Variants in HCRTR2 observed in about 807,000 individuals in gnomAD.
HCRTR2 encodes hypocretin receptor 2, also known as orexin receptor type 2.
Under a neutral mutation model 49.0 loss-of-function variants are expected in HCRTR2, and 22 were observed. That is an observed-to-expected ratio of 0.45 (90% CI 0.32 to 0.64). The LOEUF is 0.64. Among genes scored for constraint, HCRTR2 ranks in the 30% least tolerant of loss-of-function variants. The pLI, the probability that HCRTR2 is intolerant of heterozygous loss-of-function variation, is 0.04. For missense variants in HCRTR2, 491 were observed against 559.4 expected (o/e 0.88, Z 1.23); for synonymous variants, 236 against 205.3 (o/e 1.15, Z -1.28).
chr6:55,119,313 G>T (rs937463738), intron 1 of HCRTR2, among the ~76,000 whole-genome samples: 1 of 151,964 alleles, frequency 6.6e-6, no homozygotes, highest in Admixed American at 6.6e-5. Context: ...GGGATTGCTG[G>T]GTCAAATGGT....
Position 55,230,209 on chromosome 6 carries a change from A to G in HCRTR2, c.224-18430A>G, listed in dbSNP as rs185705050. Among the ~76,000 whole-genome samples, 11 of 152,322 alleles carry G rather than the reference A, an allele frequency of 7.2e-5. 3 individuals carry two copies. The highest frequency in any genetic ancestry group is 2.2e-4 in the African/African-American group (9 of 41,578). ...TTCCTTTAATTCCATAAAAATCTCC[A>G]TTCTGTTTTAAAGTCTTTAGTACAG... On this transcript the variant is annotated intron_variant, in intron 1 of 6. Coordinates refer to ENST00000370862, the MANE Select transcript of HCRTR2 (RefSeq NM_001384272.1).
chr6:55,280,662 T>G (rs2127334340), intron 6 of HCRTR2: 2 of 164,368 alleles, frequency 1.2e-5, no homozygotes, highest in Middle Eastern at 3.1e-3. Context: ...GTATAAGAAA[T>G]GTTATAATAG....
At chr6:55,157,516 A>G (rs9349760) in intron 1 of HCRTR2, among the ~76,000 whole-genome samples, 98,579 of 152,088 alleles carry the variant, frequency 0.65, 32,345 homozygotes, top group East Asian at 0.84. Flanking sequence ...TGATTGTAGA[A>G]GCCTAGGGCC....
At chr6:55,283,592 C>T (rs1267401522), downstream of HCRTR2, among the ~76,000 whole-genome samples, 1 of 152,062 alleles carries the variant, frequency 6.6e-6, no homozygotes, top group Non-Finnish European at 1.5e-5. Context: ...ATCTGGGAGT[C>T]AAAGCACTGA....
At chr6:55,200,279 T>TGTG (rs1562004631) in intron 1 of HCRTR2, among the ~76,000 whole-genome samples, 16 of 109,366 alleles carry the variant, frequency 1.5e-4, no homozygotes, top group African/African-American at 4.4e-4. Flanking sequence ...GTGTGTGTGT[T>TGTG]TTTGAAACGG....
chr6:55,250,224 G>C (rs1343148500), intron 2 of HCRTR2, among the ~76,000 whole-genome samples: 2 of 152,018 alleles, frequency 1.3e-5, no homozygotes, highest in Non-Finnish European at 2.9e-5. Context: ...ATTACAAAAC[G>C]AACAGTAGCA....
At chr6:55,204,788 C>T (rs904202459) in intron 1 of HCRTR2, among the ~76,000 whole-genome samples, 2 of 152,042 alleles carry the variant, frequency 1.3e-5, no homozygotes, top group Non-Finnish European at 2.9e-5. Context: ...CCTCCCCTCC[C>T]CTCCCCTTCC....
intron 1 of HCRTR2, among the ~76,000 whole-genome samples, chr6:55,142,184 T>A (rs114197252): frequency 0.016 from 2,403 of 152,090 alleles, 53 homozygotes; most frequent in African/African-American, 0.054. Context: ...ACTTTTCAAC[T>A]GACCATTTAA....
intron 1 of HCRTR2, among the ~76,000 whole-genome samples, chr6:55,221,904 T>A (rs910487569): frequency 2.6e-5 from 4 of 151,634 alleles, no homozygotes; most frequent in Non-Finnish European, 5.9e-5. Context: ...CAATAATTTC[T>A]TGTATACGAC....
intron 1 of HCRTR2, among the ~76,000 whole-genome samples, chr6:55,187,742 T>A (rs546844297): frequency 1.2e-4 from 18 of 149,712 alleles, no homozygotes; most frequent in African/African-American, 4.4e-4. Flanking sequence ...GCTGCTATTG[T>A]GTTAGTTGTC....
upstream of HCRTR2, among the ~76,000 whole-genome samples, chr6:55,172,426 A>G (rs1394134722): frequency 2.6e-5 from 4 of 152,114 alleles, no homozygotes; most frequent in African/African-American, 7.2e-5. Flanking sequence ...ATGCATGGAA[A>G]CAGCAACCTG....
At position 55,149,996 on chromosome 6, in the gene HCRTR2, C is replaced by A. The variant is rs187964295; in HGVS notation, c.-377-24215C>A. Among the ~76,000 whole-genome samples, 449 of 152,010 alleles carry A rather than the reference C, an allele frequency of 3.0e-3. 2 individuals are homozygous for A. The highest frequency in any genetic ancestry group is 0.01 in the African/African-American group (428 of 41,518). ...ATTGCAATCAAATTAAAGATTCTAT[C>A]TTTTACAGAAGCACTAAGGAACATT... On this transcript the variant is annotated intron_variant, in intron 1 of 7. Coordinates refer to the HCRTR2 transcript ENST00000615358.
chr6:55,157,640 G>A (rs1764748188), intron 1 of HCRTR2, among the ~76,000 whole-genome samples: 1 of 152,182 alleles, frequency 6.6e-6, no homozygotes, highest in Non-Finnish European at 1.5e-5. Flanking sequence ...TAACCACATG[G>A]GTGCTTGTGT....
intron 1 of HCRTR2, among the ~76,000 whole-genome samples, chr6:55,240,962 C>G (rs1258670890): frequency 2.1e-5 from 3 of 144,610 alleles, no homozygotes; most frequent in Admixed American, 6.9e-5. Flanking sequence ...TTTTTGTTTT[C>G]TTTTCTTTTT....
chr6:55,253,346 T>C lies in HCRTR2; in HGVS notation c.403-1790T>C, dbSNP rs190038321. On this transcript the variant is annotated intron_variant, in intron 2 of 6. Transcript: ENST00000370862. Reference sequence around the variant, plus strand: ...CTGACAGCCCAGAGACTTTCTGCACTGTTGCACTGGATCTTAGATCTCTTT... The same window carrying C: ...CTGACAGCCCAGAGACTTTCTGCACCGTTGCACTGGATCTTAGATCTCTTT... Among the ~76,000 whole-genome samples the C allele has an allele frequency of 1.4e-4, 21 of 152,230 alleles. No homozygotes were observed. In the East Asian group the frequency reaches 4.1e-3, roughly 29 times the overall value.
rs150166477 is a variant in HCRTR2, at chr6:55,132,080, T to C, written c.-378+25535T>C. 2.6e-3 allele frequency among the ~76,000 whole-genome samples: 393 copies of C among 151,958 alleles called. 2 individuals carry two copies. The highest frequency in any genetic ancestry group is 9.1e-3 in the African/African-American group (377 of 41,552). On this transcript the variant is annotated intron_variant, in intron 1 of 7. Transcript: ENST00000615358. The stretch of plus-strand genomic sequence containing the variant: ...GGCCAATTCTAAACATATATAGATA[T>C]CCCTTTAATTAATAAAATTAATAAT...
Position 55,248,690 on chromosome 6 carries a change from T to A in HCRTR2, c.275T>A (p.Phe92Tyr). Residue 92 changes from phenylalanine (F) to tyrosine (Y), a missense_variant, in exon 2 of 7, where the codon TTC becomes TAC. Physicochemically the swap from Phe to Tyr is conservative, Grantham distance 22. Coordinates refer to ENST00000370862, the MANE Select transcript of HCRTR2 (RefSeq NM_001384272.1). Reference sequence around the variant, plus strand: ...CACATGAGGACGGTAACCAACTACTTCATAGTCAATCTTTCTCTGGCTGAT... The same window carrying A: ...CACATGAGGACGGTAACCAACTACTACATAGTCAATCTTTCTCTGGCTGAT... ...NHHMRTVTNY[F>Y]IVNLSLADVL... 6.2e-7 allele frequency: 1 copy of A among 1,613,504 alleles called. No homozygotes were observed. The highest frequency in any genetic ancestry group is 8.5e-7 in the Non-Finnish European group (1 of 1,179,532).
intron 1 of HCRTR2, among the ~76,000 whole-genome samples, chr6:55,197,771 G>A (rs1221377542): frequency 3.3e-5 from 5 of 152,076 alleles, no homozygotes; most frequent in East Asian, 3.9e-4. Context: ...ACAGGTGCCC[G>A]CCACCATGCC....
chr6:55,109,741 A>G (rs1764024458), intron 1 of HCRTR2, among the ~76,000 whole-genome samples: 1 of 152,196 alleles, frequency 6.6e-6, no homozygotes, highest in Non-Finnish European at 1.5e-5. Context: ...GCCAAACCTA[A>G]GAATAATTGG....
Sources: gnomAD v4.1 joint callset for allele counts (sites outside exome capture counted in the v4.1 genomes callset) on GRCh38, gnomAD v4.1.1 for gene constraint, MANE v1.5 for transcripts, NCBI Gene and HGNC (gene_info 2026-07-23, HGNC 2026-07-21) for gene names.